Variants in MBD2 observed in about 807,000 individuals in gnomAD.
The protein encoded by MBD2 is methyl-CpG-binding domain protein 2.
In MBD2, 9 loss-of-function variants were observed where a neutral mutation model predicts 39.3. The ratio of observed to expected loss-of-function variants is 0.23; its 90% CI spans 0.14 to 0.40. The LOEUF is 0.40. Among genes scored for constraint, MBD2 ranks in the 10% least tolerant of loss-of-function variants. The pLI, the probability that MBD2 is intolerant of heterozygous loss-of-function variation, is 1.00. For missense variants in MBD2, 458 were observed against 532.6 expected, an observed-to-expected ratio of 0.86 and a Z score of 1.38; for synonymous variants, 233 against 211.1, an observed-to-expected ratio of 1.10 and a Z score of -0.90.
At chr18:54,184,318 C>A (rs1568084439) in intron 3 of MBD2, among the ~76,000 whole-genome samples, 2 of 152,086 alleles carry the variant, frequency 1.3e-5, no homozygotes, top group African/African-American at 4.8e-5. Context: ...GAGGCGCGAA[C>A]CCCATTGTGC....
In MBD2 at chr18:54,207,036, G is replaced by A. The variant is rs904050389; in HGVS notation, c.543-1879C>T. Among the ~76,000 whole-genome samples the A allele has an allele frequency of 5.9e-5, 9 of 152,192 alleles. No homozygotes were observed. The East Asian group carries it at 9.6e-4, about 16-fold the overall frequency. Reference sequence around the variant, plus strand: ...GAAGGCCACATCACAATCTTTCAGCGCCCCCATGTCTCAGCCACACATCCA... The same window carrying A: ...GAAGGCCACATCACAATCTTTCAGCACCCCCATGTCTCAGCCACACATCCA... On this transcript the variant is annotated intron_variant, in intron 1 of 6. Coordinates refer to ENST00000256429, the MANE Select transcript of MBD2 (RefSeq NM_003927.5).
chr18:54,202,191 A>G (rs2144327225), intron 2 of MBD2, among the ~76,000 whole-genome samples: 1 of 151,694 alleles, frequency 6.6e-6, no homozygotes, highest in Middle Eastern at 3.4e-3. Flanking sequence ...AAAAATACAA[A>G]AATTAGCTAG....
intron 2 of MBD2, among the ~76,000 whole-genome samples, chr18:54,204,502 G>A (rs907293115): frequency 3.3e-5 from 5 of 152,114 alleles, no homozygotes; most frequent in Admixed American, 6.5e-5. Flanking sequence ...CAAACAGCTC[G>A]ATAAAACTAA....
chr18:54,196,234 A>G (rs1442794364), intron 2 of MBD2, among the ~76,000 whole-genome samples: 1 of 152,204 alleles, frequency 6.6e-6, no homozygotes, highest in Non-Finnish European at 1.5e-5. Flanking sequence ...TATATGGGTA[A>G]CAAGATTTTT....
intron 1 of MBD2, among the ~76,000 whole-genome samples, chr18:54,205,571 A>G (rs554016464): frequency 4.8e-4 from 72 of 148,764 alleles, no homozygotes; most frequent in Non-Finnish European, 9.5e-4. Context: ...AGCCTGGGCA[A>G]CAAGAGCAAA....
intron 2 of MBD2, among the ~76,000 whole-genome samples, chr18:54,200,499 T>G (rs1174358492): frequency 6.6e-6 from 1 of 152,230 alleles, no homozygotes; most frequent in East Asian, 1.9e-4. Context: ...CACTGTACTC[T>G]TCTTTATCCA....
chr18:54,171,309 A>T lies in MBD2; in HGVS notation c.841-5143T>A, dbSNP rs936701744. Among the ~76,000 whole-genome samples the T allele has an allele frequency of 1.8e-4, 27 of 152,122 alleles. 1 individual carries two copies. Among genetic ancestry groups the T allele is most frequent in the Non-Finnish European group, 3.7e-4 (25 of 68,012 alleles). ...CTACTCAGGAAGCTGAGGCAGGAGA[A>T]TCACTTGAACCCAGGAGGTGGAGGT... On this transcript the variant is annotated intron_variant, in intron 3 of 6. Transcript: ENST00000256429.
At chr18:54,170,982 A>T (rs1487819604) in intron 3 of MBD2, among the ~76,000 whole-genome samples, 1 of 152,172 alleles carries the variant, frequency 6.6e-6, no homozygotes, top group African/African-American at 2.4e-5. Flanking sequence ...CCAAGGCCTC[A>T]TCCCCAGAGA....
At chr18:54,184,844 A>C (rs1264964992) in intron 3 of MBD2, among the ~76,000 whole-genome samples, 1 of 152,160 alleles carries the variant, frequency 6.6e-6, no homozygotes, top group Non-Finnish European at 1.5e-5. Flanking sequence ...CAGTACCCAG[A>C]GTAATATTTT....
intron 1 of MBD2, 152 bp from the exon 2 acceptor site, chr18:54,205,309 C>T (rs530042034): frequency 6.0e-5 from 43 of 712,436 alleles, no homozygotes; most frequent in South Asian, 5.6e-4. Context: ...CGATGGCTCA[C>T]GCCTATAATC....
At chr18:54,204,918 C>CA in intron 2 of MBD2, 80 bp downstream of exon 2, 1 of 1,418,764 alleles carries the variant, frequency 7.0e-7, no homozygotes, top group African/African-American at 1.4e-5. Flanking sequence ...ACCAAAATTC[C>CA]AGTCACTTAA....
chr18:54,213,843 T>C (rs2086531599), intron 1 of MBD2, among the ~76,000 whole-genome samples: 1 of 152,214 alleles, frequency 6.6e-6, no homozygotes, highest in Non-Finnish European at 1.5e-5. Context: ...AGTGTGTGTA[T>C]GTAGGTATAT....
rs2086419270 is a variant in MBD2, at chr18:54,202,957, C to A, written c.702+2041G>T. On this transcript the variant is annotated intron_variant, in intron 2 of 6. Transcript: ENST00000256429. ...AGGGCAGGCTTCCCAGAGATGGAGA[C>A]AATGAAGCTGGGTCTTGGATGAGTA... 3.0e-6 allele frequency: 3 copies of A among 984,116 alleles called. No homozygotes were observed. In the East Asian group the frequency reaches 7.1e-5, roughly 23 times the overall value. The allele number at this position is 984,116 out of a possible 1,614,324, so 61.0% of individuals were successfully genotyped here.
intron 3 of MBD2, among the ~76,000 whole-genome samples, chr18:54,173,641 T>C (rs1425674892): frequency 6.6e-6 from 1 of 152,200 alleles, no homozygotes; most frequent in African/African-American, 2.4e-5. Context: ...GAAGGGAACC[T>C]TTCCTTAACT....
chr18:54,188,830 C>A (rs1408227299), intron 3 of MBD2, 44 bp downstream of exon 3: 1 of 1,542,646 alleles, frequency 6.5e-7, no homozygotes, highest in East Asian at 2.3e-5. Context: ...AAAATACCAG[C>A]ATTTTTCTGA....
At chr18:54,221,068 G>C (rs2086607440) in intron 1 of MBD2, among the ~76,000 whole-genome samples, 3 of 152,176 alleles carry the variant, frequency 2.0e-5, no homozygotes, top group African/African-American at 7.2e-5. Flanking sequence ...ATGCTGCAAT[G>C]TCCCAGAAAA....
intron 5 of MBD2, among the ~76,000 whole-genome samples, chr18:54,160,510 C>T (rs576465219): frequency 6.6e-6 from 1 of 151,696 alleles, no homozygotes; most frequent in South Asian, 2.1e-4. Flanking sequence ...TACTTAAGAA[C>T]ATGCCATGAG....
intron 1 of MBD2, among the ~76,000 whole-genome samples, chr18:54,207,487 C>T (rs2086459857): frequency 6.6e-6 from 1 of 152,176 alleles, no homozygotes; most frequent in Non-Finnish European, 1.5e-5. Flanking sequence ...CCATTATAGG[C>T]TAGCACTGAA....
At chr18:54,156,776 C>G (rs2086054700) in intron 6 of MBD2, among the ~76,000 whole-genome samples, 1 of 151,990 alleles carries the variant, frequency 6.6e-6, no homozygotes, top group Admixed American at 6.6e-5. Flanking sequence ...TCGCTTGAAC[C>G]CGGGAGGCAG....
Sources: allele counts gnomAD v4.1 joint callset (sites outside exome capture counted in the v4.1 genomes callset), GRCh38; gene constraint gnomAD v4.1.1; transcripts MANE v1.5; gene names NCBI Gene and HGNC (gene_info 2026-07-23, HGNC 2026-07-21).